Variants in CA10 observed in about 807,000 individuals in gnomAD.
CA10 encodes the protein carbonic anhydrase 10 (inactive), also known as carbonic anhydrase-related protein 10.
CA10 carries 14 observed loss-of-function variants against 44.2 expected under a neutral mutation model. That is an observed-to-expected ratio of 0.32 (90% CI 0.21 to 0.50). CA10 has a LOEUF of 0.50. Among genes scored for constraint, CA10 ranks in the 20% least tolerant of loss-of-function variants. The pLI, the probability that CA10 is intolerant of heterozygous loss-of-function variation, is 0.99. For missense variants in CA10, 350 were observed against 409.7 expected, an observed-to-expected ratio of 0.85 and a Z score of 1.26; for synonymous variants, 159 against 141.6, an observed-to-expected ratio of 1.12 and a Z score of -0.87.
intron 4 of CA10, among the ~76,000 whole-genome samples, chr17:51,717,825 GTGTGTA>G (rs1478910368): frequency 3.8e-4 from 5 of 13,044 alleles, no homozygotes; most frequent in African/African-American, 1.2e-3. Flanking sequence ...ATATATATGT[GTGTGTA>G]TATATATATA....
intron 2 of CA10, among the ~76,000 whole-genome samples, chr17:52,012,209 T>A (rs1229199403): frequency 6.6e-6 from 1 of 152,046 alleles, no homozygotes; most frequent in Non-Finnish European, 1.5e-5. Flanking sequence ...GATGTTAACT[T>A]TTGCTGATTC....
intron 3 of CA10, among the ~76,000 whole-genome samples, chr17:51,816,410 C>A (rs1189431840): frequency 2.0e-5 from 3 of 152,144 alleles, no homozygotes; most frequent in Admixed American, 6.6e-5. Flanking sequence ...ATACTGACTT[C>A]CTTTCTTTTG....
intron 6 of CA10, among the ~76,000 whole-genome samples, chr17:51,642,368 C>T (rs550971054): frequency 5.3e-5 from 8 of 152,194 alleles, no homozygotes; most frequent in Admixed American, 2.0e-4. Context: ...CTCTGAGGAG[C>T]GGCGCATAAA....
chr17:51,667,902 T>A (rs761314341), intron 4 of CA10, among the ~76,000 whole-genome samples: 8 of 152,196 alleles, frequency 5.3e-5, no homozygotes, highest in Admixed American at 1.3e-4. Flanking sequence ...CACTCTATAT[T>A]AAGACTTCAA....
intron 2 of CA10, among the ~76,000 whole-genome samples, chr17:52,031,123 G>A (rs1379492804): frequency 6.6e-6 from 1 of 151,474 alleles, no homozygotes; most frequent in African/African-American, 2.4e-5. Flanking sequence ...TAAGATATTT[G>A]GCTTATTAAG....
At chr17:52,089,115 C>T (rs147727893) in intron 1 of CA10, among the ~76,000 whole-genome samples, 22 of 152,296 alleles carry the variant, frequency 1.4e-4, no homozygotes, top group East Asian at 7.7e-4. Flanking sequence ...ACACAGAAAA[C>T]GTTCCACATG....
chr17:51,899,682 A>G lies in CA10; in HGVS notation c.279+31308T>C, dbSNP rs1981225686. Among the ~76,000 whole-genome samples, 4 of 152,088 alleles carry G rather than the reference A, an allele frequency of 2.6e-5. No homozygotes were observed. The South Asian group carries it at 8.3e-4, about 32-fold the overall frequency. ...TCCTACTATTGTTGTATGGTAATCT[A>G]AGTCTCTTTTAGGTCTCTAAGAACT... On this transcript the variant is annotated intron_variant, in intron 3 of 8. Transcript: ENST00000451037.
intron 4 of CA10, among the ~76,000 whole-genome samples, chr17:51,708,462 T>C (rs993944150): frequency 9.9e-5 from 15 of 152,250 alleles, no homozygotes; most frequent in Admixed American, 9.2e-4. Context: ...GAAAATAATG[T>C]CTGTAGAGAA....
At chr17:52,049,712 TCTC>T (rs74989171) in intron 2 of CA10, among the ~76,000 whole-genome samples, 8 of 152,118 alleles carry the variant, frequency 5.3e-5, no homozygotes, top group Non-Finnish European at 1.2e-4. Context: ...CCCTCAGACT[TCTC>T]CTGCCAACAA....
At chr17:52,143,866 A>G (rs1167663535) in intron 1 of CA10, among the ~76,000 whole-genome samples, 1 of 152,218 alleles carries the variant, frequency 6.6e-6, no homozygotes, top group Non-Finnish European at 1.5e-5. Flanking sequence ...GGCTCCCTAG[A>G]GACAGACATA....
rs116799518 is a variant in CA10, at chr17:51,807,199, A to G, written c.280-59381T>C. Among the ~76,000 whole-genome samples, 1,376 of 152,280 alleles carry G rather than the reference A, an allele frequency of 9.0e-3. 22 individuals are homozygous for G. The highest frequency in any genetic ancestry group is 0.031 in the African/African-American group (1,280 of 41,554). ...AATGGTTGTCTCTAGGAGGCACACC[A>G]TGGTGAACGCTTCTGAAGCATGGAA... On this transcript the variant is annotated intron_variant, in intron 3 of 8. Coordinates refer to ENST00000451037, the MANE Select transcript of CA10 (RefSeq NM_020178.5).
intron 2 of CA10, among the ~76,000 whole-genome samples, chr17:51,974,228 A>G (rs1210935743): frequency 6.6e-6 from 1 of 152,028 alleles, no homozygotes; most frequent in Non-Finnish European, 1.5e-5. Context: ...TACTAAAAAT[A>G]CAAAAATTAA....
At chr17:51,874,701 T>A (rs1337184462) in intron 3 of CA10, among the ~76,000 whole-genome samples, 1 of 152,166 alleles carries the variant, frequency 6.6e-6, no homozygotes. Context: ...TAGCCCACTA[T>A]TAGAATTAAC....
chr17:51,642,372 G>A (rs371853575), intron 6 of CA10, among the ~76,000 whole-genome samples: 8 of 152,278 alleles, frequency 5.3e-5, no homozygotes, highest in South Asian at 2.1e-4. Context: ...GAGGAGCGGC[G>A]CATAAAACAC....
At chr17:51,714,861 C>T (rs540043752) in intron 4 of CA10, among the ~76,000 whole-genome samples, 21 of 152,050 alleles carry the variant, frequency 1.4e-4, no homozygotes, top group African/African-American at 1.7e-4. Flanking sequence ...ATTCGTGATT[C>T]GGCTAAATGG....
chr17:51,724,046 A>G (rs2143539172), intron 4 of CA10, among the ~76,000 whole-genome samples: 1 of 152,126 alleles, frequency 6.6e-6, no homozygotes, highest in South Asian at 2.1e-4. Context: ...CAGGAGGATG[A>G]GGGGGGACTG....
intron 3 of CA10, among the ~76,000 whole-genome samples, chr17:51,838,481 T>G (rs1978295066): frequency 6.6e-6 from 1 of 152,240 alleles, no homozygotes; most frequent in Admixed American, 6.5e-5. Context: ...GAAATAAATG[T>G]ATGAAGTGGC....
rs1442690333 is a variant in CA10, at chr17:51,858,788, C to G, written c.279+72202G>C. ...CATCATATGGAAATAATTTCAGTGG[C>G]TAGTGAAGGGTAGTTAAGGACAACC... On this transcript the variant is annotated intron_variant, in intron 3 of 8. Coordinates refer to ENST00000451037, the MANE Select transcript of CA10 (RefSeq NM_020178.5). Among the ~76,000 whole-genome samples the G allele has an allele frequency of 2.0e-5, 3 of 152,118 alleles. No homozygotes were observed. In the East Asian group the frequency reaches 5.8e-4, roughly 29 times the overall value.
At chr17:51,631,645 A>C (rs1215619521) in intron 8 of CA10, 39 bp from the exon 9 acceptor site, 5 of 1,562,978 alleles carry the variant, frequency 3.2e-6, no homozygotes, top group African/African-American at 2.7e-5. Context: ...TCACACATAC[A>C]ACATAAAACG....
Sources: gnomAD v4.1 joint callset for allele counts (sites outside exome capture counted in the v4.1 genomes callset) on GRCh38, gnomAD v4.1.1 for gene constraint, MANE v1.5 for transcripts, NCBI Gene and HGNC (gene_info 2026-07-23, HGNC 2026-07-21) for gene names.